NPSR1: variants seen among roughly 807,000 people sequenced by gnomAD.
NPSR1 encodes the protein neuropeptide S receptor 1.
In NPSR1, 48 loss-of-function variants were observed where a neutral mutation model predicts 46.9. The observed-to-expected ratio is 1.02, with a 90% CI of 0.81 to 1.30. The LOEUF (loss-of-function observed/expected upper bound fraction) is 1.30. NPSR1 is among the 50% of genes most tolerant of loss of function. The pLI, the probability that NPSR1 is intolerant of heterozygous loss-of-function variation, is 0.00. For synonymous variants in NPSR1, 176 were observed against 168.1 expected, an observed-to-expected ratio of 1.05 and a Z score of -0.36; for missense variants, 450 against 449.5, an observed-to-expected ratio of 1.00 and a Z score of -0.01.
intron 2 of NPSR1, among the ~76,000 whole-genome samples, chr7:34,762,193 G>A (rs1786208037): frequency 6.6e-6 from 1 of 152,254 alleles, no homozygotes; most frequent in East Asian, 1.9e-4. Flanking sequence ...TAGGACCAAA[G>A]CTTTCTGTGA....
chr7:34,688,047 CA>C (rs1459684268), intron 2 of NPSR1, among the ~76,000 whole-genome samples: 2 of 152,166 alleles, frequency 1.3e-5, no homozygotes, highest in African/African-American at 2.4e-5. Context: ...ATAAACATTC[CA>C]GGGTTTCCAT....
rs569605144 is a variant in NPSR1 at position 34,870,556 on chromosome 7, G to T, written c.1026-7520G>T. On this transcript the variant is annotated intron_variant, in intron 8 of 8. Transcript: ENST00000359791. Reference sequence around the variant, plus strand: ...CATACCTACAAGATATTCACAATGTGAATGCCTTATGTAAATGGTTGGACT... The same window carrying T: ...CATACCTACAAGATATTCACAATGTTAATGCCTTATGTAAATGGTTGGACT... Among the ~76,000 whole-genome samples, 115 of 151,810 alleles carry T rather than the reference G, an allele frequency of 7.6e-4. 2 individuals carry two copies. The highest frequency in any genetic ancestry group is 2.5e-3 in the African/African-American group (104 of 41,118).
At chr7:34,859,920 G>C (rs369015986) in intron 8 of NPSR1, among the ~76,000 whole-genome samples, 7 of 151,654 alleles carry the variant, frequency 4.6e-5, no homozygotes, top group African/African-American at 1.7e-4. Flanking sequence ...AACTGTGTAG[G>C]CCTCCTTTGC....
At chr7:34,849,032 G>A (rs1384426728) in intron 8 of NPSR1, among the ~76,000 whole-genome samples, 1 of 152,202 alleles carries the variant, frequency 6.6e-6, no homozygotes, top group African/African-American at 2.4e-5. Context: ...ATCTTACATG[G>A]TTAATAGCAT....
At chr7:34,842,794 T>G (rs1219844735) in intron 6 of NPSR1, among the ~76,000 whole-genome samples, 1 of 152,190 alleles carries the variant, frequency 6.6e-6, no homozygotes, top group African/African-American at 2.4e-5. Context: ...ACAAAAACAC[T>G]CAGAAACTTC....
chr7:34,774,899 G>A (rs1167004924), intron 2 of NPSR1, among the ~76,000 whole-genome samples: 1 of 152,178 alleles, frequency 6.6e-6, no homozygotes, highest in Non-Finnish European at 1.5e-5. Flanking sequence ...ACACAAAGAG[G>A]CCTACCAGGT....
At chr7:34,717,413 G>A (rs952017433) in intron 2 of NPSR1, among the ~76,000 whole-genome samples, 26 of 152,238 alleles carry the variant, frequency 1.7e-4, no homozygotes, top group Admixed American at 2.0e-4. Flanking sequence ...TTACAGGCGT[G>A]AGCCACTGCG....
chr7:34,827,872 C>T (rs939292444), intron 5 of NPSR1, among the ~76,000 whole-genome samples: 2 of 152,170 alleles, frequency 1.3e-5, no homozygotes, highest in African/African-American at 4.8e-5. Context: ...CACAGTATAA[C>T]CCTGTGAAAT....
chr7:34,803,884 G>C (rs1291786883), intron 3 of NPSR1, among the ~76,000 whole-genome samples: 1 of 151,836 alleles, frequency 6.6e-6, no homozygotes, highest in African/African-American at 2.4e-5. Flanking sequence ...ATGCCCACAA[G>C]TTTGATAGCT....
chr7:34,855,231 TAGAA>T (rs1489257049), intron 8 of NPSR1, among the ~76,000 whole-genome samples: 1 of 151,818 alleles, frequency 6.6e-6, no homozygotes, highest in African/African-American at 2.4e-5. Flanking sequence ...TCAAGGGAAG[TAGAA>T]AGAATAAAAT....
chr7:34,747,808 C>T (rs961821157), intron 2 of NPSR1, among the ~76,000 whole-genome samples: 1 of 152,166 alleles, frequency 6.6e-6, no homozygotes, highest in African/African-American at 2.4e-5. Context: ...TAGAACACGA[C>T]AAATCTTATT....
intron 2 of NPSR1, among the ~76,000 whole-genome samples, chr7:34,733,765 A>C (rs1202966226): frequency 6.6e-6 from 1 of 152,248 alleles, no homozygotes; most frequent in Non-Finnish European, 1.5e-5. Flanking sequence ...TCTGTGTGGA[A>C]GTCACAGTTT....
chr7:34,856,251 A>C (rs1791045925), intron 8 of NPSR1, among the ~76,000 whole-genome samples: 1 of 151,860 alleles, frequency 6.6e-6, no homozygotes, highest in South Asian at 2.1e-4. Context: ...GAATATCCAA[A>C]ATAATATACA....
At chr7:34,663,041 TTC>T (rs376420280) in intron 1 of NPSR1, among the ~76,000 whole-genome samples, 172 of 108,062 alleles carry the variant, frequency 1.6e-3, no homozygotes, top group Admixed American at 2.2e-3. Flanking sequence ...TGTAGTGCAT[TTC>T]TCTCTCTCTC....
At chr7:34,804,475 A>T (rs963852618) in intron 3 of NPSR1, among the ~76,000 whole-genome samples, 1 of 152,110 alleles carries the variant, frequency 6.6e-6, no homozygotes, top group Admixed American at 6.6e-5. Context: ...AAAATTCAAC[A>T]TCCATTTATA....
chr7:34,811,030 G>A (rs959551434), intron 3 of NPSR1, among the ~76,000 whole-genome samples: 4 of 152,144 alleles, frequency 2.6e-5, no homozygotes, highest in East Asian at 1.9e-4. Flanking sequence ...ATTGAACTCC[G>A]GCCCCACAGT....
In NPSR1 at chr7:34,811,772, T is replaced by C; in HGVS notation, c.387T>C (p.Val129=). 6.2e-7 allele frequency: 1 copy of C among 1,607,146 alleles called. No homozygotes were observed. Among genetic ancestry groups the C allele is most frequent in the Non-Finnish European group, 8.5e-7 (1 of 1,175,752 alleles). Residue 129 remains valine (V), a splice_region_variant and synonymous_variant, in exon 4 of 9, where the codon GTT becomes GTC. Transcript: ENST00000360581. Reference sequence around the variant, plus strand: ...CTTCCTCTCATTTCTGTCTTTAGGTTGTGCTGCTCTACGCCTCTACCTACG... The same window carrying C: ...CTTCCTCTCATTTCTGTCTTTAGGTCGTGCTGCTCTACGCCTCTACCTACG... ...LVCRVVRYLQ[V]VLLYASTYVL...
chr7:34,776,841 A>G (rs73111575), intron 2 of NPSR1, among the ~76,000 whole-genome samples: 21,914 of 152,138 alleles, frequency 0.14, 2,093 homozygotes, highest in East Asian at 0.32. Context: ...GGCCTAGGGC[A>G]TGTCTAGAAA....
intron 3 of NPSR1, among the ~76,000 whole-genome samples, chr7:34,784,925 T>C (rs1197742998): frequency 6.6e-6 from 1 of 152,086 alleles, no homozygotes; most frequent in Non-Finnish European, 1.5e-5. Flanking sequence ...ACTTTTACAC[T>C]GTTGGCAGAA....
Sources: allele counts gnomAD v4.1 joint callset (sites outside exome capture counted in the v4.1 genomes callset), GRCh38; gene constraint gnomAD v4.1.1; transcripts MANE v1.5; gene names NCBI Gene and HGNC (gene_info 2026-07-23, HGNC 2026-07-21).